Variants in ISLR2 observed in about 807,000 individuals in gnomAD.
ISLR2 encodes immunoglobulin superfamily containing leucine-rich repeat protein 2.
A neutral mutation model predicts 25.5 loss-of-function variants in ISLR2; 16 were observed. The ratio of observed to expected loss-of-function variants is 0.63; its 90% CI spans 0.43 to 0.95. The LOEUF (loss-of-function observed/expected upper bound fraction) is 0.95. Ranked by LOEUF, ISLR2 falls within the 40% of genes least tolerant of loss-of-function variation. The pLI is 0.00. For missense variants in ISLR2, 883 were observed against 1,030.7 expected (o/e 0.86, Z 1.96); for synonymous variants, 508 against 486.6 (o/e 1.04, Z -0.58).
At position 74,136,593 on chromosome 15, in the gene ISLR2, G is replaced by C. The variant is rs1027204460; in HGVS notation, c.*1601G>C. On this transcript the variant is annotated 3_prime_UTR_variant, in exon 3 of 3. Coordinates refer to ENST00000453268, the MANE Select transcript of ISLR2 (RefSeq NM_020851.3). Reference sequence around the variant, plus strand: ...CGGATGGGCGGGGAGGGAGGGAAGGGGAGGGGCGCGGCGCGGCGACTCGGG... The same window carrying C: ...CGGATGGGCGGGGAGGGAGGGAAGGCGAGGGGCGCGGCGCGGCGACTCGGG... 1 of 155,084 alleles carries C rather than the reference G, an allele frequency of 6.4e-6. No individual in the cohort carries two copies. The highest frequency in any genetic ancestry group is 1.9e-4 in the East Asian group (1 of 5,166). The allele number at this position is 155,084 out of a possible 1,614,324, so 9.6% of individuals were successfully genotyped here.
In ISLR2 at chr15:74,136,781, T is replaced by C. The variant is rs75949982; in HGVS notation, c.*1789T>C. ...CTTTTCTAAACGCGTCTGTATGCAG[T>C]CAATAAAACAATCGATTTGAACTGG... On this transcript the variant is annotated 3_prime_UTR_variant, in exon 3 of 3. Transcript: ENST00000453268. 2.7e-3 allele frequency: 449 copies of C among 167,046 alleles called. 3 individuals are homozygous for C. Among genetic ancestry groups the C allele is most frequent in the Non-Finnish European group, 3.5e-3 (238 of 68,120 alleles). 10.3% of individuals were successfully genotyped at this position (167,046 alleles called of 1,614,324 possible).
At chr15:74,115,688 C>T (rs1157965677) in intron 2 of ISLR2, among the ~76,000 whole-genome samples, 3 of 151,276 alleles carry the variant, frequency 2.0e-5, no homozygotes, top group African/African-American at 7.3e-5. Context: ...GAGTAAGACC[C>T]TGTCTCAAAT....
Position 74,132,628 on chromosome 15 carries a change from G to A in ISLR2, c.-8-119G>A. The A allele has an allele frequency of 7.3e-7, 1 of 1,368,430 alleles. No homozygotes were observed. Among genetic ancestry groups the A allele is most frequent in the Non-Finnish European group, 9.7e-7 (1 of 1,032,934 alleles). The allele number at this position is 1,368,430 out of a possible 1,614,324, so 84.8% of individuals were successfully genotyped here. On this transcript the variant is annotated intron_variant, in intron 2 of 2. Coordinates refer to ENST00000453268, the MANE Select transcript of ISLR2 (RefSeq NM_020851.3). The surrounding 1 kb of genome is among the most constrained non-coding windows in gnomAD (Gnocchi z 4.3). ...CAGAGAGGCTCCTGGCCATAGAGGA[G>A]GTTACCGGAGCCCTGGAACTAGTGC...
downstream of ISLR2, among the ~76,000 whole-genome samples, chr15:74,140,249 C>T (rs188770614): frequency 6.6e-6 from 1 of 152,206 alleles, no homozygotes; most frequent in East Asian, 1.9e-4. Flanking sequence ...GGAATGCAGC[C>T]CTCCACCCAT....
intron 2 of ISLR2, among the ~76,000 whole-genome samples, chr15:74,119,826 G>C (rs1169222663): frequency 6.6e-6 from 1 of 152,106 alleles, no homozygotes; most frequent in Non-Finnish European, 1.5e-5. Flanking sequence ...ATAATCTAGA[G>C]CAGACCAGCC....
chr15:74,111,628 T>A (rs543905738), intron 2 of ISLR2, among the ~76,000 whole-genome samples: 3 of 145,754 alleles, frequency 2.1e-5, no homozygotes, highest in Admixed American at 6.8e-5. Context: ...TCATTCATTC[T>A]TTGAGACAGA....
downstream of ISLR2, among the ~76,000 whole-genome samples, chr15:74,139,863 AGTGT>A (rs10579764): frequency 0.52 from 66,575 of 127,814 alleles, 17,143 homozygotes; most frequent in Non-Finnish European, 0.6. Context: ...CGGCTTGAGG[AGTGT>A]GTGTGTGTGT....
At chr15:74,138,079 C>T (rs753515886), downstream of ISLR2, among the ~76,000 whole-genome samples, 4 of 152,130 alleles carry the variant, frequency 2.6e-5, no homozygotes, top group Admixed American at 6.5e-5. Flanking sequence ...CCTTTAACCT[C>T]CTCGTCTTCT....
chr15:74,128,234 G>A (rs1287697932), upstream of ISLR2: 1 of 319,710 alleles, frequency 3.1e-6, no homozygotes, highest in African/African-American at 2.3e-5. Flanking sequence ...AGGCCTCGGC[G>A]GACTCTGCCT....
chr15:74,133,452 C>T lies in ISLR2; in HGVS notation c.698C>T (p.Pro233Leu). 1 of 1,611,278 alleles carries T rather than the reference C, an allele frequency of 6.2e-7. No homozygotes were observed. The highest frequency in any genetic ancestry group is 8.5e-7 in the Non-Finnish European group (1 of 1,179,684). The change falls in exon 3 of 3, where the codon CCC becomes CTC. Residue 233 changes from proline (P) to leucine (L), a missense_variant. Physicochemically the swap from Pro to Leu is moderately conservative, Grantham distance 98. Transcript: ENST00000453268. ...CTGCCCGCCCTGCCCTGTGCACCGCCCAGCGTGCATCTGAGTGCCGAGCCA... is the reference window on the plus strand; with the variant it reads ...CTGCCCGCCCTGCCCTGTGCACCGCTCAGCGTGCATCTGAGTGCCGAGCCA... ...YRLPALPCAP[P>L]SVHLSAEPPL...
chr15:74,124,809 C>T (rs1045333021), upstream of ISLR2, among the ~76,000 whole-genome samples: 2 of 152,222 alleles, frequency 1.3e-5, no homozygotes, highest in East Asian at 1.9e-4. Flanking sequence ...TTGGTGGCTC[C>T]GGAAGCCCTC....
rs2072560168 is a variant in ISLR2, at chr15:74,136,062, G to A, written c.*1070G>A. On this transcript the variant is annotated 3_prime_UTR_variant, in exon 3 of 3. Transcript: ENST00000453268. Reference sequence around the variant, plus strand: ...CCCCTTCCCAGCCTCTGGGAAAATCGAGTGTGTGTGTCGGGGGGTAGGGAG... The same window carrying A: ...CCCCTTCCCAGCCTCTGGGAAAATCAAGTGTGTGTGTCGGGGGGTAGGGAG... 1 of 166,884 alleles carries A rather than the reference G, an allele frequency of 6.0e-6. No homozygotes were observed. The highest frequency in any genetic ancestry group is 1.5e-5 in the Non-Finnish European group (1 of 68,132). The allele number at this position is 166,884 out of a possible 1,614,324, so 10.3% of individuals were successfully genotyped here.
downstream of ISLR2, among the ~76,000 whole-genome samples, chr15:74,137,528 TC>T (rs890372411): frequency 5.9e-5 from 9 of 152,062 alleles, no homozygotes; most frequent in Admixed American, 5.9e-4. Context: ...GATTTCATAG[TC>T]CTAGAAAGGG....
At chr15:74,128,842 T>G (rs373753971), upstream of ISLR2, 6 of 395,884 alleles carry the variant, frequency 1.5e-5, no homozygotes, top group African/African-American at 1.3e-4. Context: ...CCCGGACAAC[T>G]GCCCAAGACG....
rs186471143 is a variant in ISLR2, at chr15:74,114,778, C to T, written n.228+10864C>T. 3.8e-4 allele frequency among the ~76,000 whole-genome samples: 58 copies of T among 152,198 alleles called. No homozygotes were observed. In the East Asian group the frequency reaches 9.3e-3, roughly 24 times the overall value. The stretch of plus-strand genomic sequence containing the variant: ...ACATCAGAGAACAGGTCGAGCAGAA[C>T]TATGATCCCTAAAAGAAGGTGAACC... On this transcript the variant is annotated intron_variant and non_coding_transcript_variant, in intron 2 of 3. Coordinates refer to the ISLR2 transcript ENST00000561975.
At chr15:74,131,831 T>C in intron 2 of ISLR2, 1 of 152,388 alleles carries the variant, frequency 6.6e-6, no homozygotes. Context: ...TCTTCTCCCC[T>C]CACAGGAGCT....
upstream of ISLR2, chr15:74,128,813 C>T (rs1461260522): frequency 2.5e-6 from 1 of 407,148 alleles, no homozygotes; most frequent in East Asian, 7.2e-5. Context: ...CCAAGACCGC[C>T]CCCTCAGGGT....
At chr15:74,129,405 C>T (rs561946803), upstream of ISLR2, 1 of 198,788 alleles carries the variant, frequency 5.0e-6, no homozygotes, top group Non-Finnish European at 1.0e-5. The surrounding 1 kb of genome is among the most constrained non-coding windows in gnomAD (Gnocchi z 4.5). Context: ...CCACGGAAGC[C>T]CCAAACCCTC....
At chr15:74,111,227 A>T (rs1237772137) in intron 2 of ISLR2, among the ~76,000 whole-genome samples, 4 of 152,052 alleles carry the variant, frequency 2.6e-5, no homozygotes, top group African/African-American at 9.7e-5. Context: ...TGAGTAGAAA[A>T]AAAAAGCCAA....
Sources: gnomAD v4.1 joint callset for allele counts (sites outside exome capture counted in the v4.1 genomes callset) on GRCh38, gnomAD v4.1.1 for gene constraint, Gnocchi (gnomAD v3.1) non-coding constraint, MANE v1.5 for transcripts, NCBI Gene and HGNC (gene_info 2026-07-23, HGNC 2026-07-21) for gene names.